The following PHAF1 variants were observed in gnomAD, a reference collection of about 807,000 sequenced individuals.
PHAF1 encodes phagophore assembly factor 1, also known as phagosome assembly factor 1.
Under a neutral mutation model 63.1 loss-of-function variants are expected in PHAF1, and 23 were observed. That is an observed-to-expected ratio of 0.36 (90% CI 0.26 to 0.52). The LOEUF (loss-of-function observed/expected upper bound fraction) is 0.52. Ranked by LOEUF, PHAF1 falls within the 20% of genes least tolerant of loss-of-function variation. PHAF1 has a pLI of 0.93. For missense variants in PHAF1, 427 were observed against 517.2 expected (o/e 0.83, Z 1.69); for synonymous variants, 167 against 185.0 (o/e 0.90, Z 0.79).
intron 2 of PHAF1, among the ~76,000 whole-genome samples, chr16:67,123,710 T>C (rs1963075630): frequency 6.6e-6 from 1 of 152,156 alleles, no homozygotes. Context: ...ATGTGATGCT[T>C]CTTAAATTTG....
chr16:67,142,902 C>T (rs956274837), intron 10 of PHAF1, among the ~76,000 whole-genome samples: 3 of 152,226 alleles, frequency 2.0e-5, no homozygotes, highest in Admixed American at 6.5e-5. Context: ...GCAGCGGCCA[C>T]TCCAGATGGG....
chr16:67,140,275 C>G (rs1482142527), intron 9 of PHAF1, among the ~76,000 whole-genome samples, 158 bp downstream of exon 9: 2 of 152,050 alleles, frequency 1.3e-5, no homozygotes, highest in African/African-American at 4.8e-5. Context: ...GTCCAATTAC[C>G]CTGACTCTGT....
rs1232191942 is a variant in PHAF1, at chr16:67,148,465, C to T, written c.*1334C>T. The T allele has an allele frequency of 1.3e-5, 2 of 152,542 alleles. No individual in the cohort carries two copies. The highest frequency in any genetic ancestry group is 2.4e-5 in the African/African-American group (1 of 41,468). The allele number at this position is 152,542 out of a possible 1,614,324, so 9.4% of individuals were successfully genotyped here. A position where few individuals can be genotyped will look rare whatever the true frequency, so the allele number is the denominator to read the frequency against. ...GGGAACCTTCCTTATCCCCTGCCCA[C>T]ATCCCCTCTCCAATAAAGCACCTGT... is the stretch of plus-strand genomic sequence containing the variant. On this transcript the variant is annotated 3_prime_UTR_variant, in exon 16 of 16. Transcript: ENST00000219139.
intron 3 of PHAF1, among the ~76,000 whole-genome samples, chr16:67,130,077 C>T (rs553795707): frequency 4.6e-5 from 7 of 152,346 alleles, no homozygotes; most frequent in African/African-American, 1.4e-4. Context: ...GGAGGAGTCT[C>T]GCTCTGTCGC....
intron 14 of PHAF1, 58 bp from the exon 15 acceptor site, chr16:67,146,220 C>T: frequency 1.3e-5 from 19 of 1,502,360 alleles, no homozygotes; most frequent in Non-Finnish European, 1.8e-5. Context: ...GACTGGATCC[C>T]TTGCTTTAAG....
intron 6 of PHAF1, among the ~76,000 whole-genome samples, chr16:67,133,180 A>G (rs1276497615): frequency 6.6e-6 from 1 of 152,010 alleles, no homozygotes; most frequent in Non-Finnish European, 1.5e-5. Flanking sequence ...TTCATTCCTT[A>G]TTTTCAAGCT....
chr16:67,134,521 A>G, intron 8 of PHAF1, 54 bp downstream of exon 8: 1 of 1,438,482 alleles, frequency 7.0e-7, no homozygotes, highest in Non-Finnish European at 9.8e-7. Flanking sequence ...ATGTTGAGAC[A>G]GTCTAAAATC....
intron 13 of PHAF1, 56 bp from the exon 14 acceptor site, chr16:67,145,514 G>T: frequency 6.2e-7 from 1 of 1,612,858 alleles, no homozygotes; most frequent in South Asian, 1.1e-5. Context: ...CCAGCCATTG[G>T]TCACAGACAT....
At chr16:67,112,181 CTG>C (rs1464870744) in intron 1 of PHAF1, among the ~76,000 whole-genome samples, 1 of 151,892 alleles carries the variant, frequency 6.6e-6, no homozygotes, top group African/African-American at 2.4e-5. Context: ...TAGCTTCAAA[CTG>C]TGCTTAGTAG....
At chr16:67,136,247 T>G (rs1476327884) in intron 8 of PHAF1, 1 of 151,480 alleles carries the variant, frequency 6.6e-6, no homozygotes, top group African/African-American at 2.4e-5. Context: ...GAGGTTGCAG[T>G]GAGCTGAGAT....
rs1325707319 is a variant in PHAF1 at position 67,130,917 on chromosome 16, C to G, written c.232-369C>G. ...GAGGTTATGCTGAAGGGGACACTGG[C>G]TATGGTTATGCTGAAGGGGAAACTG... On this transcript the variant is annotated intron_variant, in intron 3 of 15. Transcript: ENST00000219139. Among the ~76,000 whole-genome samples the G allele has an allele frequency of 2.6e-5, 4 of 152,222 alleles. No individual in the cohort carries two copies. The South Asian group carries it at 8.3e-4, about 32-fold the overall frequency.
At chr16:67,141,830 A>G (rs1265061171) in intron 10 of PHAF1, among the ~76,000 whole-genome samples, 1 of 152,242 alleles carries the variant, frequency 6.6e-6, no homozygotes, top group Non-Finnish European at 1.5e-5. Context: ...AGGGTGTCAC[A>G]GCTCTGGCTC....
Position 67,110,122 on chromosome 16 carries a change from G to C in PHAF1, c.-54G>C. On this transcript the variant is annotated 5_prime_UTR_variant, in exon 1 of 16. Coordinates refer to ENST00000219139, the MANE Select transcript of PHAF1 (RefSeq NM_025187.5). ...AGCCGCTGCTTTGTCTCCTTAGCTC[G>C]GGTCCCTTCTGCGCTGCCGCAGGGA... 2 of 1,541,860 alleles carry C rather than the reference G, an allele frequency of 1.3e-6. No homozygotes were observed. The highest frequency in any genetic ancestry group is 4.9e-5 in the East Asian group (2 of 40,874).
At chr16:67,137,022 G>T (rs1300495615) in intron 8 of PHAF1, among the ~76,000 whole-genome samples, 3 of 152,130 alleles carry the variant, frequency 2.0e-5, no homozygotes, top group Non-Finnish European at 4.4e-5. Flanking sequence ...AGGCATGGTG[G>T]CAGGCGCCTG....
intron 1 of PHAF1, among the ~76,000 whole-genome samples, chr16:67,113,431 T>C (rs1962600486): frequency 6.6e-6 from 1 of 151,992 alleles, no homozygotes; most frequent in Non-Finnish European, 1.5e-5. Flanking sequence ...TGAAATGTTT[T>C]GTTTTCTTTT....
chr16:67,143,888 A>T (rs1300733628), intron 10 of PHAF1, among the ~76,000 whole-genome samples: 1 of 152,104 alleles, frequency 6.6e-6, no homozygotes, highest in Non-Finnish European at 1.5e-5. Context: ...CAGGAGTTTG[A>T]GACCAGGCTG....
At chr16:67,136,482 C>T (rs1237376521) in intron 8 of PHAF1, among the ~76,000 whole-genome samples, 1 of 146,430 alleles carries the variant, frequency 6.8e-6, no homozygotes, top group Non-Finnish European at 1.5e-5. Flanking sequence ...TGAGAACCTT[C>T]GTGGAGCTCA....
intron 11 of PHAF1, 40 bp from the exon 12 acceptor site, chr16:67,144,794 T>C: frequency 6.2e-7 from 1 of 1,607,422 alleles, no homozygotes. Context: ...GGCCAGGCCT[T>C]CTAGGAGGCC....
At chr16:67,141,867 G>T (rs1236135999) in intron 10 of PHAF1, among the ~76,000 whole-genome samples, 1 of 152,218 alleles carries the variant, frequency 6.6e-6, no homozygotes, top group Non-Finnish European at 1.5e-5. Context: ...TGGGCTTCCT[G>T]AAGGGCTGCA....
Sources: gnomAD v4.1 joint callset for allele counts (sites outside exome capture counted in the v4.1 genomes callset) on GRCh38, gnomAD v4.1.1 for gene constraint, MANE v1.5 for transcripts, NCBI Gene and HGNC (gene_info 2026-07-23, HGNC 2026-07-21) for gene names.